The following FAAH2 variants were observed in gnomAD, a reference collection of about 807,000 sequenced individuals.
FAAH2 encodes fatty acid amide hydrolase 2.
FAAH2 carries 60 observed loss-of-function variants against 36.9 expected under a neutral mutation model. The ratio of observed to expected loss-of-function variants is 1.63; its 90% confidence interval spans 1.32 to 2.02. The LOEUF (loss-of-function observed/expected upper bound fraction) is 2.02. FAAH2 is among the 30% of genes most tolerant of loss of function. The pLI is 0.00. For missense variants in FAAH2, 689 were observed against 397.5 expected (o/e 1.73, Z -6.23); for synonymous variants, 214 against 143.8 (o/e 1.49, Z -3.49).
At chrX:57,194,558 T>C in the FAAH2 span, among the ~76,000 whole-genome samples, 3 of 111,682 alleles carry the variant, frequency 2.7e-5, no homozygotes, top group Non-Finnish European at 5.7e-5. Context: ...GCTTTTTCTC[T>C]TTTCTGATTT....
chrX:57,297,478 G>GAT (rs1217580562), intron 2 of FAAH2, among the ~76,000 whole-genome samples: 1 of 104,711 alleles, frequency 9.6e-6, no homozygotes, highest in African/African-American at 3.5e-5. Flanking sequence ...AGGAACAACC[G>GAT]ATACCAGCCA....
chrX:57,451,666 G>A (rs761049090), intron 10 of FAAH2, among the ~76,000 whole-genome samples: 55 of 111,477 alleles, frequency 4.9e-4, no homozygotes, highest in African/African-American at 1.5e-3. Context: ...GGAACACTGT[G>A]GACAGAGGGT....
rs1216299603 is a variant in FAAH2 at position 57,479,875 on chromosome X, A to G, written c.1424-8882A>G. 4.5e-5 allele frequency among the ~76,000 whole-genome samples: 5 copies of G among 111,756 alleles called. No individual in the cohort carries two copies. In the South Asian group the frequency reaches 1.9e-3, roughly 42 times the overall value. On this transcript the variant is annotated intron_variant, in intron 10 of 10. Coordinates refer to ENST00000374900, the MANE Select transcript of FAAH2 (RefSeq NM_174912.4). ...TTGATAGACCACTAGCAAGACTAAT[A>G]AAGAAGAAAAGAGAGAAGAATCAAA...
At chrX:57,331,438 C>A (rs2053402814) in intron 3 of FAAH2, among the ~76,000 whole-genome samples, 160 bp from the exon 4 acceptor site, 1 of 110,897 alleles carries the variant, frequency 9.0e-6, no homozygotes, top group Non-Finnish European at 1.9e-5. Flanking sequence ...AATGCCTTCT[C>A]TCTGAAGATC....
the FAAH2 span, among the ~76,000 whole-genome samples, chrX:57,280,822 G>A: frequency 8.9e-6 from 1 of 112,158 alleles, no homozygotes; most frequent in Non-Finnish European, 1.9e-5. Flanking sequence ...AAACCTTACA[G>A]ATATCCTTCA....
chrX:57,377,363 T>C (rs1332580233), intron 5 of FAAH2, among the ~76,000 whole-genome samples: 1 of 112,531 alleles, frequency 8.9e-6, no homozygotes, highest in Non-Finnish European at 1.9e-5. Context: ...TTTCCACATA[T>C]GGCTAGCCAG....
the FAAH2 span, among the ~76,000 whole-genome samples, chrX:57,222,856 T>A: frequency 9.0e-6 from 1 of 111,301 alleles, no homozygotes; most frequent in Non-Finnish European, 1.9e-5. Flanking sequence ...TTACTTAGTT[T>A]GTAGATGGCA....
chrX:57,380,883 G>A (rs1244736429), intron 6 of FAAH2, 29 bp from the exon 7 acceptor site: 1 of 920,740 alleles, frequency 1.1e-6, no homozygotes, highest in African/African-American at 2.0e-5. Context: ...ATAATTTGTT[G>A]ATGTCAGTTT....
At chrX:57,203,155 T>C in the FAAH2 span, among the ~76,000 whole-genome samples, 6 of 111,641 alleles carry the variant, frequency 5.4e-5, no homozygotes, top group Non-Finnish European at 5.7e-5. Context: ...TGAACAGAGA[T>C]TTACCCACAT....
the FAAH2 span, among the ~76,000 whole-genome samples, chrX:57,274,076 G>T: frequency 3.6e-5 from 4 of 111,404 alleles, no homozygotes; most frequent in Non-Finnish European, 5.7e-5. Context: ...TGATATAGGG[G>T]ATATCACCAC....
At chrX:57,425,390 A>T (rs1217738097) in intron 7 of FAAH2, among the ~76,000 whole-genome samples, 1 of 111,530 alleles carries the variant, frequency 9.0e-6, no homozygotes, top group Non-Finnish European at 1.9e-5. Context: ...AAATTATTGC[A>T]AGAAAGTACT....
At chrX:57,268,071 C>A in the FAAH2 span, among the ~76,000 whole-genome samples, 3 of 112,036 alleles carry the variant, frequency 2.7e-5, no homozygotes, top group Non-Finnish European at 5.6e-5. Flanking sequence ...TAGGAGTACA[C>A]TGTAACTCAA....
chrX:57,383,909 C>T lies in FAAH2; in HGVS notation c.996+2880C>T, dbSNP rs766184579. Reference sequence around the variant, plus strand: ...GAACAAAGCTGGAGGCATCATGCTACCTGACTTCAAACTATACTGGAAGAC... The same window carrying T: ...GAACAAAGCTGGAGGCATCATGCTATCTGACTTCAAACTATACTGGAAGAC... On this transcript the variant is annotated intron_variant, in intron 7 of 10. Coordinates refer to ENST00000374900, the MANE Select transcript of FAAH2 (RefSeq NM_174912.4). Among the ~76,000 whole-genome samples the T allele has an allele frequency of 7.2e-5, 8 of 111,799 alleles. 1 individual carries two copies. In the South Asian group the frequency reaches 3.0e-3, roughly 42 times the overall value.
chrX:57,161,378 G>T, the FAAH2 span, among the ~76,000 whole-genome samples: 9 of 111,216 alleles, frequency 8.1e-5, 1 homozygote, highest in South Asian at 3.1e-3. Context: ...TATTAGGTCC[G>T]CTTGGTGCAG....
chrX:57,343,383 AT>A (rs1242882293), intron 5 of FAAH2, among the ~76,000 whole-genome samples: 1 of 111,647 alleles, frequency 9.0e-6, no homozygotes, highest in East Asian at 2.8e-4. Flanking sequence ...GATGTTGATC[AT>A]TTTTTATAGG....
chrX:57,218,880 T>C, the FAAH2 span, among the ~76,000 whole-genome samples: 1 of 111,894 alleles, frequency 8.9e-6, no homozygotes, highest in South Asian at 3.8e-4. Flanking sequence ...ATCTCGCTGC[T>C]TGTTATTGGT....
At chrX:57,199,185 C>A in the FAAH2 span, among the ~76,000 whole-genome samples, 2 of 110,878 alleles carry the variant, frequency 1.8e-5, no homozygotes, top group African/African-American at 6.6e-5. Context: ...TACAATGCAT[C>A]ATTAGGTTGT....
At chrX:57,438,131 G>T (rs760268714) in intron 8 of FAAH2, among the ~76,000 whole-genome samples, 4 of 104,390 alleles carry the variant, frequency 3.8e-5, no homozygotes, top group Admixed American at 2.1e-4. Flanking sequence ...ATGTATACAC[G>T]TGTATATATA....
At chrX:57,448,324 G>A (rs934904960) in intron 9 of FAAH2, among the ~76,000 whole-genome samples, 200 bp from the exon 10 acceptor site, 7 of 112,513 alleles carry the variant, frequency 6.2e-5, no homozygotes, top group East Asian at 2.8e-4. Context: ...TGCAGTAGCA[G>A]AGGCTAGAAA....
Sources: allele counts gnomAD v4.1 joint callset (sites outside exome capture counted in the v4.1 genomes callset), GRCh38; gene constraint gnomAD v4.1.1; transcripts MANE v1.5; gene names NCBI Gene and HGNC (gene_info 2026-07-23, HGNC 2026-07-21).